Variants in ZNF726 observed in about 807,000 individuals in gnomAD.
The protein encoded by ZNF726 is zinc finger protein 92 pseudogene 3.
A neutral mutation model predicts 11.6 loss-of-function variants in ZNF726; 15 were observed. The observed-to-expected ratio is 1.29, with a 90% CI of 0.86 to 1.99. The LOEUF (loss-of-function observed/expected upper bound fraction) is 1.99. Ranked by LOEUF, ZNF726 falls within the 30% of genes most tolerant of loss-of-function variation. ZNF726 has a pLI of 0.00. For missense variants in ZNF726, 890 were observed against 725.6 expected (o/e 1.23, Z -2.60); for synonymous variants, 295 against 243.6 (o/e 1.21, Z -1.96).
In ZNF726 at chr19:23,934,219, C is replaced by A; in HGVS notation, c.*252C>A. 4 of 749,944 alleles carry A rather than the reference C, an allele frequency of 5.3e-6. No homozygotes were observed. The highest frequency in any genetic ancestry group is 7.2e-6 in the Non-Finnish European group (3 of 416,506). 46.5% of individuals were successfully genotyped at this position (749,944 alleles called of 1,614,324 possible). On this transcript the variant is annotated 3_prime_UTR_variant, in exon 4 of 4. Transcript: ENST00000594466. ...AAGATAATTCATACTGGAAATAAACCCTACAAATGTGAAAAATGTGGCAAA... is the reference window on the plus strand; with the variant it reads ...AAGATAATTCATACTGGAAATAAACACTACAAATGTGAAAAATGTGGCAAA...
At position 23,930,495 on chromosome 19, in the gene ZNF726, T is replaced by C. The variant is rs548320086; in HGVS notation, c.227-1848T>C. Among the ~76,000 whole-genome samples the C allele has an allele frequency of 1.7e-3, 260 of 152,296 alleles. 1 individual carries two copies. The highest frequency in any genetic ancestry group is 3.3e-3 in the Admixed American group (50 of 15,304). ...ATTGTGCATGCCAATATTTTAACTT[T>C]ATATAATTTAAGACATTGTGGAGCA... On this transcript the variant is annotated intron_variant, in intron 3 of 3. Transcript: ENST00000594466.
chr19:23,935,286 A>G (rs754080267), downstream of ZNF726: 13 of 499,878 alleles, frequency 2.6e-5, no homozygotes, highest in Non-Finnish European at 3.6e-5. Context: ...TACTGGAGTA[A>G]AACTCTACAA....
At chr19:23,918,093 C>T (rs1328283468) in intron 1 of ZNF726, among the ~76,000 whole-genome samples, 1 of 152,016 alleles carries the variant, frequency 6.6e-6, no homozygotes, top group Non-Finnish European at 1.5e-5. Context: ...AGATCAGTTT[C>T]GGTGGAAGTA....
At position 23,917,156 on chromosome 19, in the gene ZNF726, A is replaced by G. The variant is rs567011742; in HGVS notation, c.3+2159A>G. 1.8e-3 allele frequency among the ~76,000 whole-genome samples: 270 copies of G among 152,220 alleles called. 2 individuals carry two copies. Among genetic ancestry groups the G allele is most frequent in the Non-Finnish European group, 2.7e-3 (181 of 68,014 alleles). ...AGTAGAAATGGAGTTTCACCATGCT[A>G]GCCAGGCTGGTGTCAAACTTCTGGC... On this transcript the variant is annotated intron_variant, in intron 1 of 3. Coordinates refer to ENST00000594466, the MANE Select transcript of ZNF726 (RefSeq NM_001244038.2).
At chr19:23,922,615 G>GT (rs983910705) in intron 3 of ZNF726, among the ~76,000 whole-genome samples, 52 of 152,332 alleles carry the variant, frequency 3.4e-4, no homozygotes, top group African/African-American at 1.1e-3. Context: ...TGGTCATGTA[G>GT]TTTGCAACCT....
chr19:23,932,055 G>A (rs911214079), intron 3 of ZNF726, among the ~76,000 whole-genome samples: 7 of 152,196 alleles, frequency 4.6e-5, no homozygotes, highest in African/African-American at 1.7e-4. Flanking sequence ...AGCAGGAAAA[G>A]CTGTGTTGGG....
At chr19:23,938,965 A>AT (rs200806118), downstream of ZNF726, among the ~76,000 whole-genome samples, 1,105 of 149,796 alleles carry the variant, frequency 7.4e-3, 8 homozygotes, top group African/African-American at 0.021. Flanking sequence ...TATAAGAATG[A>AT]TTTTTTTTTT....
chr19:23,943,431 A>T (rs1200380864), intron 3 of ZNF726: 5 of 480,768 alleles, frequency 1.0e-5, no homozygotes, highest in African/African-American at 1.9e-5. Flanking sequence ...TCTACTGAAC[A>T]TGGTACTAGG....
chr19:23,944,236 T>C lies in ZNF726; in HGVS notation c.323-517T>C, dbSNP rs77203001. 4 of 152,302 alleles carry C rather than the reference T, an allele frequency of 2.6e-5. No homozygotes were observed. The East Asian group carries it at 7.7e-4, about 29-fold the overall frequency. The allele number at this position is 152,302 out of a possible 1,614,324, so 9.4% of individuals were successfully genotyped here. ...GGGTTTTTATTGTTATACTTGCCTTTGCTTTGAATTTCCTGTATATTTTGA... is the reference window on the plus strand; with the variant it reads ...GGGTTTTTATTGTTATACTTGCCTTCGCTTTGAATTTCCTGTATATTTTGA... On this transcript the variant is annotated intron_variant, in intron 4 of 4. Transcript: ENST00000334589.
At position 23,915,179 on chromosome 19, in the gene ZNF726, C is replaced by G. The variant is rs866764590; in HGVS notation, c.3+182C>G. ...TGGCGGCTGCGCTGACAGCCGGGCT[C>G]CCGGGCGTTCTGTCTCTTCACTGCG... On this transcript the variant is annotated intron_variant, in intron 1 of 3. Coordinates refer to ENST00000594466, the MANE Select transcript of ZNF726 (RefSeq NM_001244038.2). 4.6e-5 allele frequency among the ~76,000 whole-genome samples: 7 copies of G among 152,282 alleles called. No individual in the cohort carries two copies. In the South Asian group the frequency reaches 1.2e-3, roughly 27 times the overall value.
Position 23,932,957 on chromosome 19 carries a change from G to T in ZNF726, c.841G>T (p.Gly281Ter). The change falls in exon 4 of 4, where the codon GGA becomes TGA. Residue 281 changes from glycine to a stop codon, truncating the protein, a stop_gained. Transcript: ENST00000594466. LOFTEE classifies it low-confidence loss of function (END_TRUNC). ...TLTIHKRIHT[G>*]EKPCKCEECG... The stretch of plus-strand genomic sequence containing the variant: ...AACCATACATAAGAGGATACATACT[G>T]GAGAGAAACCCTGCAAATGTGAAGA... 1 of 1,612,004 alleles carries T rather than the reference G, an allele frequency of 6.2e-7. No homozygotes were observed. Among genetic ancestry groups the T allele is most frequent in the Non-Finnish European group, 8.5e-7 (1 of 1,179,660 alleles).
intron 3 of ZNF726, among the ~76,000 whole-genome samples, chr19:23,931,306 A>AT (rs1308711137): frequency 4.7e-4 from 72 of 151,612 alleles, no homozygotes; most frequent in Non-Finnish European, 7.5e-4. Flanking sequence ...TTTTTACATC[A>AT]TTTTTTCTAA....
At chr19:23,937,346 G>C (rs1234117876), downstream of ZNF726, among the ~76,000 whole-genome samples, 1 of 151,802 alleles carries the variant, frequency 6.6e-6, no homozygotes, top group African/African-American at 2.4e-5. Context: ...TCACTTCCCA[G>C]ATGGGGTGGC....
chr19:23,943,722 C>G, intron 4 of ZNF726: 1 of 451,188 alleles, frequency 2.2e-6, no homozygotes, highest in South Asian at 6.3e-5. Context: ...TTTTTTTCCT[C>G]TAGCTCTGAA....
intron 3 of ZNF726, among the ~76,000 whole-genome samples, chr19:23,924,358 A>G (rs1331227199): frequency 2.0e-5 from 3 of 151,934 alleles, no homozygotes; most frequent in Non-Finnish European, 2.9e-5. Context: ...CTGGCCTCTT[A>G]GCTCATTTTC....
At chr19:23,929,962 A>AT (rs1968070764) in intron 3 of ZNF726, among the ~76,000 whole-genome samples, 1 of 152,126 alleles carries the variant, frequency 6.6e-6, no homozygotes, top group African/African-American at 2.4e-5. Flanking sequence ...TGGACTTATT[A>AT]TAGCAGTTCT....
chr19:23,942,323 G>C (rs938068667), intron 3 of ZNF726, among the ~76,000 whole-genome samples: 4 of 152,126 alleles, frequency 2.6e-5, no homozygotes. Flanking sequence ...CTCTGAGAGA[G>C]TGCTTGATGT....
rs60881229 is a variant in ZNF726 at position 23,943,709 on chromosome 19, C to CT, written c.322+129dup. 1.6e-3 allele frequency: 680 copies of CT among 436,226 alleles called. 3 individuals carry two copies. Among genetic ancestry groups the CT allele is most frequent in the East Asian group, 8.8e-3 (280 of 31,814 alleles). The allele number at this position is 436,226 out of a possible 1,614,324, so 27.0% of individuals were successfully genotyped here. A position where few individuals can be genotyped will look rare whatever the true frequency, so the allele number is the denominator to read the frequency against. On this transcript the variant is annotated intron_variant, in intron 4 of 4. Transcript: ENST00000334589. ...TCAGTGGAAAGATTTCCTAAAAAGC[C>CT]TTTTTTTTTCCTCTAGCTCTGAAGT...
At chr19:23,922,506 C>T (rs1350212514) in intron 3 of ZNF726, among the ~76,000 whole-genome samples, 1 of 152,212 alleles carries the variant, frequency 6.6e-6, no homozygotes, top group Non-Finnish European at 1.5e-5. Flanking sequence ...GCTCCCAAGA[C>T]TGTGGCTGTG....
Sources: gnomAD v4.1 joint callset for allele counts (sites outside exome capture counted in the v4.1 genomes callset) on GRCh38, gnomAD v4.1.1 for gene constraint, MANE v1.5 for transcripts, NCBI Gene and HGNC (gene_info 2026-07-23, HGNC 2026-07-21) for gene names.